KDSR: variants seen among roughly 807,000 people sequenced by gnomAD.
KDSR encodes 3-dehydrosphinganine reductase.
In KDSR, 23 loss-of-function variants were observed where a neutral mutation model predicts 41.3. The ratio of observed to expected loss-of-function variants is 0.56; its 90% CI spans 0.40 to 0.79. KDSR has a LOEUF of 0.79. Among genes scored for constraint, KDSR ranks in the 30% least tolerant of loss-of-function variants. The pLI is 0.00. For synonymous variants in KDSR, 138 were observed against 151.7 expected (o/e 0.91, Z 0.66); for missense variants, 351 against 416.8 (o/e 0.84, Z 1.37).
intron 8 of KDSR, among the ~76,000 whole-genome samples, chr18:63,337,371 C>T (rs1172087888): frequency 6.6e-6 from 1 of 152,072 alleles, no homozygotes; most frequent in African/African-American, 2.4e-5. Context: ...CCGCCTTGGC[C>T]TCCCAAAGTG....
chr18:63,329,881 A>T lies in KDSR; in HGVS notation c.*1901T>A, dbSNP rs1012990169. On this transcript the variant is annotated 3_prime_UTR_variant, in exon 10 of 10. Transcript: ENST00000645214. ...CAATTGTTTTCTGCAAATTATAAAA[A>T]GCTATGATTCCATTTTAGCAGCTGC... 5.2e-6 allele frequency: 1 copy of T among 194,132 alleles called. No individual in the cohort carries two copies. Among genetic ancestry groups the T allele is most frequent in the Non-Finnish European group, 1.1e-5 (1 of 93,098 alleles). The allele number at this position is 194,132 out of a possible 1,614,324, so 12.0% of individuals were successfully genotyped here.
Position 63,335,287 on chromosome 18 carries a change from TG to T in KDSR, c.848del (p.Pro283GlnfsTer2). On this transcript the variant is annotated frameshift_variant, in exon 9 of 10. Coordinates refer to ENST00000645214, the MANE Select transcript of KDSR (RefSeq NM_002035.4). LOFTEE classifies it high-confidence loss of function. ...GGAGCCCCTCAGTAATAGAAGTTAC[TG>T]GAGCCATCCCACAGGTCAGGGCCGA... ...MLSALTCGMA[P>X]VTSITEGLQQ... is the part of the protein sequence containing the mutation. 2.5e-6 allele frequency: 4 copies of T among 1,613,880 alleles called. No homozygotes were observed. The highest frequency in any genetic ancestry group is 3.4e-6 in the Non-Finnish European group (4 of 1,179,744).
intron 6 of KDSR, chr18:63,346,139 C>T (rs1016429699): frequency 4.0e-5 from 6 of 151,876 alleles, no homozygotes; most frequent in Admixed American, 1.3e-4. Context: ...AAAGTGCAGT[C>T]GTGAAAGTGA....
chr18:63,351,162 G>T, intron 5 of KDSR, 83 bp from the exon 6 acceptor site: 1 of 1,139,954 alleles, frequency 8.8e-7, no homozygotes. Flanking sequence ...CTGGATTTCA[G>T]TTCTTCAATG....
intron 6 of KDSR, chr18:63,345,580 C>T (rs1160933500): frequency 2.0e-5 from 3 of 152,182 alleles, no homozygotes. Flanking sequence ...TCAGCCACTG[C>T]ACATCTTCAG....
chr18:63,343,012 G>C (rs1914390530), intron 7 of KDSR, among the ~76,000 whole-genome samples: 1 of 152,102 alleles, frequency 6.6e-6, no homozygotes, highest in Non-Finnish European at 1.5e-5. Context: ...CTCCGACCAC[G>C]TAAGACGTAC....
At chr18:63,362,991 T>C (rs1239546586) in intron 1 of KDSR, 123 bp from the exon 2 acceptor site, 2 of 638,230 alleles carry the variant, frequency 3.1e-6, no homozygotes, top group Non-Finnish European at 2.8e-6. Context: ...TTAGCTGTTG[T>C]TAACTTCTTC....
intron 7 of KDSR, among the ~76,000 whole-genome samples, chr18:63,340,397 C>T (rs980845114): frequency 6.6e-6 from 1 of 152,196 alleles, no homozygotes; most frequent in Non-Finnish European, 1.5e-5. Flanking sequence ...CATCTTTCTA[C>T]AAATATACAG....
chr18:63,363,098 C>T (rs539120449), intron 1 of KDSR, among the ~76,000 whole-genome samples: 91 of 152,100 alleles, frequency 6.0e-4, no homozygotes, highest in Non-Finnish European at 5.1e-4. Flanking sequence ...ATAAATTGCA[C>T]ACCTATAATA....
intron 7 of KDSR, among the ~76,000 whole-genome samples, chr18:63,344,020 A>G (rs1457213306): frequency 5.3e-5 from 8 of 152,176 alleles, no homozygotes; most frequent in Admixed American, 3.9e-4. Context: ...CTACAAAAAA[A>G]TTAAAAATTA....
chr18:63,349,175 C>T (rs923598301), intron 6 of KDSR, among the ~76,000 whole-genome samples: 8 of 152,020 alleles, frequency 5.3e-5, no homozygotes, highest in African/African-American at 1.9e-4. Flanking sequence ...TGAGCTTAGG[C>T]GTTTGAGACC....
chr18:63,342,217 C>T (rs1270839640), intron 7 of KDSR, among the ~76,000 whole-genome samples: 1 of 149,340 alleles, frequency 6.7e-6, no homozygotes, highest in Admixed American at 6.6e-5. Context: ...CATTTTCAGA[C>T]ATGTTGTTTC....
chr18:63,332,143 T>A (rs1914021982), intron 9 of KDSR, among the ~76,000 whole-genome samples: 1 of 152,192 alleles, frequency 6.6e-6, no homozygotes, highest in East Asian at 1.9e-4. Flanking sequence ...ATAAGCAGAA[T>A]AAAATATATA....
chr18:63,331,547 C>A lies in KDSR; in HGVS notation c.*235G>T. 2.6e-6 allele frequency: 1 copy of A among 382,530 alleles called. No homozygotes were observed. Among genetic ancestry groups the A allele is most frequent in the South Asian group, 6.0e-5 (1 of 16,548 alleles). The allele number at this position is 382,530 out of a possible 1,614,324, so 23.7% of individuals were successfully genotyped here. A position where few individuals can be genotyped will look rare whatever the true frequency, so the allele number is the denominator to read the frequency against. On this transcript the variant is annotated 3_prime_UTR_variant, in exon 10 of 10. Transcript: ENST00000645214. ...TAATTCTCATACCTTCACCTCTCTA[C>A]CACAAAGCCTAGAAAATCAAATGGT...
chr18:63,365,241 C>T lies in KDSR; in HGVS notation c.108+1770G>A, dbSNP rs149847438. ...TGCTTTTTTCCTGCAATTTTACTAC[C>T]GTAACTAGATAGAAAACACTAGTAT... On this transcript the variant is annotated intron_variant, in intron 1 of 9. Transcript: ENST00000645214. 8.0e-4 allele frequency among the ~76,000 whole-genome samples: 122 copies of T among 152,274 alleles called. 1 individual carries two copies. Among genetic ancestry groups the T allele is most frequent in the African/African-American group, 2.7e-3 (112 of 41,548 alleles).
intron 7 of KDSR, among the ~76,000 whole-genome samples, chr18:63,343,452 A>C (rs1914405275): frequency 6.6e-6 from 1 of 151,156 alleles, no homozygotes; most frequent in Admixed American, 6.6e-5. Flanking sequence ...GCAGTACTAC[A>C]ATCATGGCTC....
At position 63,331,010 on chromosome 18, in the gene KDSR, G is replaced by C. The variant is rs574752083; in HGVS notation, c.*772C>G. 1.3e-4 allele frequency: 29 copies of C among 231,878 alleles called. No individual in the cohort carries two copies. The highest frequency in any genetic ancestry group is 4.9e-4 in the African/African-American group (22 of 45,236). 14.4% of individuals were successfully genotyped at this position (231,878 alleles called of 1,614,324 possible). On this transcript the variant is annotated 3_prime_UTR_variant, in exon 10 of 10. Transcript: ENST00000645214. ...GGAGGCTGCCTTTCCCCATGAATGA[G>C]AAATGAAACGTTCCCTAAGCATTTG...
chr18:63,343,492 G>C (rs1358232961), intron 7 of KDSR, among the ~76,000 whole-genome samples: 1 of 148,952 alleles, frequency 6.7e-6, no homozygotes, highest in South Asian at 2.1e-4. Context: ...TGGCTCAAAT[G>C]ATCCTCCCAC....
chr18:63,355,505 A>C lies in KDSR; in HGVS notation c.314T>G (p.Ile105Arg). ...ATTAGCCCAACCTCTTACTTGTTTT[A>C]TGACATTCTCTACTTGGTTATAGTC... Reference protein sequence around the residue: ...SQDYNQVENVIKQAQEKLGPV... With the variant: ...SQDYNQVENVRKQAQEKLGPV... Residue 105 changes from isoleucine to arginine, a missense_variant, in exon 4 of 10, where the codon ATA becomes AGA. By Grantham distance (97) the Ile-to-Arg change is moderately conservative (BLOSUM62 -3). Transcript: ENST00000645214. 1 of 1,612,590 alleles carries C rather than the reference A, an allele frequency of 6.2e-7. No homozygotes were observed. Among genetic ancestry groups the C allele is most frequent in the Non-Finnish European group, 8.5e-7 (1 of 1,179,724 alleles).
Sources: allele counts gnomAD v4.1 joint callset (sites outside exome capture counted in the v4.1 genomes callset), GRCh38; gene constraint gnomAD v4.1.1; transcripts MANE v1.5; gene names NCBI Gene and HGNC (gene_info 2026-07-23, HGNC 2026-07-21).